ZC3H18: variants seen among roughly 807,000 people sequenced by gnomAD.
ZC3H18 encodes the protein zinc finger CCCH domain-containing protein 18.
In ZC3H18, 8 loss-of-function variants were observed where a neutral mutation model predicts 106.1. The ratio of observed to expected loss-of-function variants is 0.08; its 90% CI spans 0.04 to 0.14. The LOEUF (loss-of-function observed/expected upper bound fraction) is 0.14. ZC3H18 is among the 10% of genes least tolerant of loss of function. The pLI is 1.00. For synonymous variants in ZC3H18, 635 were observed against 522.1 expected (o/e 1.22, Z -2.95); for missense variants, 1,318 against 1,278.4 (o/e 1.03, Z -0.47).
rs761191264 is a variant in ZC3H18 at position 88,623,545 on chromosome 16, C to G, written c.1793+201C>G. 7.4e-6 allele frequency: 5 copies of G among 671,756 alleles called. No individual in the cohort carries two copies. In the South Asian group the frequency reaches 7.9e-5, roughly 11 times the overall value. The allele number at this position is 671,756 out of a possible 1,614,324, so 41.6% of individuals were successfully genotyped here. A position where few individuals can be genotyped will look rare whatever the true frequency, so the allele number is the denominator to read the frequency against. On this transcript the variant is annotated intron_variant, in intron 10 of 17. Transcript: ENST00000301011. ...GCGGGCCCTCGTCCTTGTGTAGATG[C>G]GTGCTGTCACTGAGGGCCACAGCCT...
chr16:88,622,612 C>T lies in ZC3H18; in HGVS notation c.1667+224C>T, dbSNP rs140341096. ...GTGACCCCAAATGGGGCACAGACCC[C>T]GGCGACTGAGCCTGACTGCTCCCAG... On this transcript the variant is annotated intron_variant, in intron 9 of 17. Transcript: ENST00000301011. 1.1e-3 allele frequency: 566 copies of T among 538,838 alleles called. 3 individuals are homozygous for T. The highest frequency in any genetic ancestry group is 9.5e-3 in the African/African-American group (496 of 52,400). 33.4% of individuals were successfully genotyped at this position (538,838 alleles called of 1,614,324 possible).
At chr16:88,630,335 G>T in intron 16 of ZC3H18, 150 bp from the exon 17 acceptor site, 1 of 605,508 alleles carries the variant, frequency 1.7e-6, no homozygotes, top group Non-Finnish European at 2.9e-6. Context: ...CTCCTACTTG[G>T]CTCTCCCCTT....
chr16:88,622,665 G>C, intron 9 of ZC3H18: 1 of 440,140 alleles, frequency 2.3e-6, no homozygotes, highest in Non-Finnish European at 4.1e-6. Context: ...TGGAGGGAGG[G>C]GCACCTGGAT....
intron 10 of ZC3H18, 86 bp from the exon 11 acceptor site, chr16:88,623,872 C>T (rs887192396): frequency 1.4e-5 from 21 of 1,499,614 alleles, no homozygotes; most frequent in Admixed American, 2.3e-5. Context: ...TGGCCTTCTC[C>T]ATGGGTCTGG....
In ZC3H18 at chr16:88,627,929, A is replaced by C; in HGVS notation, c.2279A>C (p.Lys760Thr). The change falls in exon 15 of 18, where the codon AAG (lysine) becomes ACG (threonine). Residue 760 changes from lysine to threonine, a missense_variant. Lys to Thr is a moderately conservative substitution (Grantham distance 78). Coordinates refer to ENST00000301011, the MANE Select transcript of ZC3H18 (RefSeq NM_144604.4). The surrounding 1 kb of genome is among the most constrained non-coding windows in gnomAD (Gnocchi z 4.5). ...GATTTATCATTGGTAGGAAAATCTA[A>C]GAAAGAAGACGGTGTTAAAGAGGAA... ...AQTRKEKGKS[K>T]KEDGVKEEKR... 2 of 1,614,046 alleles carry C rather than the reference A, an allele frequency of 1.2e-6. No individual in the cohort carries two copies. Among genetic ancestry groups the C allele is most frequent in the Non-Finnish European group, 1.7e-6 (2 of 1,180,046 alleles).
chr16:88,609,161 G>T (rs1406199692), intron 7 of ZC3H18, 110 bp downstream of exon 7: 10 of 803,682 alleles, frequency 1.2e-5, no homozygotes, highest in African/African-American at 3.5e-5. Context: ...TATAGAGCCA[G>T]CACAATGTAC....
chr16:88,598,470 C>T lies in ZC3H18; in HGVS notation c.837+144C>T, dbSNP rs115826890. 7.0e-4 allele frequency: 1,032 copies of T among 1,469,594 alleles called. 7 individuals are homozygous for T. Among genetic ancestry groups the T allele is most frequent in the African/African-American group, 6.6e-3 (474 of 71,306 alleles). 91.0% of individuals were successfully genotyped at this position (1,469,594 alleles called of 1,614,324 possible). ...TCTGTCGTCCCGAGTGGAAGCAGGC[C>T]TCGGCTTTCCGAGGACGGAGTGAGG... On this transcript the variant is annotated intron_variant, in intron 4 of 17. Transcript: ENST00000301011.
chr16:88,631,379 T>C lies in ZC3H18; in HGVS notation c.*80T>C, dbSNP rs890533466. ...TTTGGATTTTGCAGTTAATGTCTTA[T>C]TTTGGCTGTGATTCTTTTTAAAAAG... On this transcript the variant is annotated 3_prime_UTR_variant, in exon 18 of 18. Transcript: ENST00000301011. 1.9e-5 allele frequency: 28 copies of C among 1,505,852 alleles called. No individual in the cohort carries two copies. The highest frequency in any genetic ancestry group is 2.1e-5 in the Admixed American group (1 of 47,002). The allele number at this position is 1,505,852 out of a possible 1,614,324, so 93.3% of individuals were successfully genotyped here.
intron 2 of ZC3H18, among the ~76,000 whole-genome samples, chr16:88,581,876 A>G (rs1915153387): frequency 6.6e-6 from 1 of 152,172 alleles, no homozygotes; most frequent in Admixed American, 6.6e-5. Context: ...GTTACAGTTG[A>G]GAGGCCTGGC....
chr16:88,581,034 G>A (rs928279007), intron 2 of ZC3H18, among the ~76,000 whole-genome samples: 4 of 152,236 alleles, frequency 2.6e-5, no homozygotes, highest in Admixed American at 6.5e-5. Context: ...TTCCCTGCAT[G>A]CCTGCAGCCT....
At chr16:88,623,173 GA>G in intron 9 of ZC3H18, 45 bp from the exon 10 acceptor site, 2 of 1,597,086 alleles carry the variant, frequency 1.3e-6, no homozygotes. Flanking sequence ...GTGGGGCAGG[GA>G]GGGCCCTTCT....
intron 3 of ZC3H18, among the ~76,000 whole-genome samples, chr16:88,595,090 G>A (rs1904358842): frequency 1.3e-5 from 2 of 152,352 alleles, no homozygotes; most frequent in African/African-American, 4.8e-5. Flanking sequence ...GGCGGAGGTT[G>A]CAGTGAGCTG....
At chr16:88,621,829 C>T (rs1905982483) in intron 8 of ZC3H18, among the ~76,000 whole-genome samples, 2 of 152,178 alleles carry the variant, frequency 1.3e-5, no homozygotes, top group African/African-American at 4.8e-5. Flanking sequence ...ACTAGTATAT[C>T]AGCACTAGAG....
intron 9 of ZC3H18, chr16:88,622,597 A>C: frequency 2.1e-4 from 117 of 549,156 alleles, no homozygotes; most frequent in Middle Eastern, 4.9e-4. Flanking sequence ...GTGACCCCAA[A>C]TGGGGCACAG....
chr16:88,572,708 A>G (rs1914487381), intron 1 of ZC3H18, among the ~76,000 whole-genome samples: 2 of 151,918 alleles, frequency 1.3e-5, no homozygotes, highest in Non-Finnish European at 2.9e-5. Context: ...CCCTGTCTAC[A>G]CTTCTCATTT....
chr16:88,586,559 T>C (rs1915446617), intron 2 of ZC3H18, 41 bp from the exon 3 acceptor site: 10 of 1,548,508 alleles, frequency 6.5e-6, no homozygotes, highest in Non-Finnish European at 8.9e-6. Context: ...TGCTGATTGA[T>C]AGATGCCTCC....
At chr16:88,588,197 C>T (rs143035301) in intron 3 of ZC3H18, among the ~76,000 whole-genome samples, 2 of 152,352 alleles carry the variant, frequency 1.3e-5, no homozygotes, top group African/African-American at 4.8e-5. Context: ...GAATTAACAA[C>T]ATCAGTGTCT....
intron 16 of ZC3H18, chr16:88,630,064 G>T: frequency 5.7e-6 from 1 of 175,630 alleles, no homozygotes; most frequent in Non-Finnish European, 1.2e-5. Flanking sequence ...CCTGCGCTGG[G>T]CAGTGGCCCC....
At chr16:88,594,957 GC>G in intron 3 of ZC3H18, among the ~76,000 whole-genome samples, 1 of 152,190 alleles carries the variant, frequency 6.6e-6, no homozygotes, top group South Asian at 2.1e-4. Flanking sequence ...CTCAAGACTA[GC>G]CTGACCAACA....
Sources: allele counts gnomAD v4.1 joint callset (sites outside exome capture counted in the v4.1 genomes callset), GRCh38; gene constraint gnomAD v4.1.1; non-coding constraint Gnocchi (gnomAD v3.1); transcripts MANE v1.5; gene names NCBI Gene and HGNC (gene_info 2026-07-23, HGNC 2026-07-21).